COL17A1: variants seen among roughly 807,000 people sequenced by gnomAD.
The protein encoded by COL17A1 is collagen type XVII alpha 1 chain.
A neutral mutation model predicts 218.4 loss-of-function variants in COL17A1; 181 were observed. The observed-to-expected ratio is 0.83, with a 90% CI of 0.73 to 0.94. The LOEUF is 0.94. COL17A1 is among the 40% of genes least tolerant of loss of function. The pLI is 0.00. For synonymous variants in COL17A1, 721 were observed against 731.0 expected, an observed-to-expected ratio of 0.99 and a Z score of 0.22; for missense variants, 1,924 against 1,945.9, an observed-to-expected ratio of 0.99 and a Z score of 0.21.
At chr10:104,067,191 C>G (rs994084482) in intron 9 of COL17A1, among the ~76,000 whole-genome samples, 3 of 152,062 alleles carry the variant, frequency 2.0e-5, no homozygotes, top group African/African-American at 4.8e-5. Context: ...CCCCAAAGAT[C>G]GGGCCCAAAT....
At chr10:104,043,433 A>C in intron 35 of COL17A1, 68 bp downstream of exon 35, 1 of 1,410,168 alleles carries the variant, frequency 7.1e-7, no homozygotes, top group South Asian at 1.2e-5. Flanking sequence ...GATCTGAAGA[A>C]ATATGGCTAG....
At chr10:104,037,825 C>A (rs749274308) in intron 45 of COL17A1, 52 bp from the exon 46 acceptor site, 1 of 1,599,576 alleles carries the variant, frequency 6.3e-7, no homozygotes, top group South Asian at 1.1e-5. Context: ...AGGACATGTT[C>A]TCCCCACGGA....
Position 104,031,954 on chromosome 10 carries a change from A to G in COL17A1, c.*281T>C. On this transcript the variant is annotated 3_prime_UTR_variant, in exon 56 of 56. Transcript: ENST00000648076. ...GGCTGGGGCTTGAACTAAGTAAAGA[A>G]GCCAAGGAGTTCAGATCTAGATAGC... 2 of 519,026 alleles carry G rather than the reference A, an allele frequency of 3.9e-6. No homozygotes were observed. The highest frequency in any genetic ancestry group is 6.9e-6 in the Non-Finnish European group (2 of 288,768). The allele number at this position is 519,026 out of a possible 1,614,324, so 32.2% of individuals were successfully genotyped here.
intron 31 of COL17A1, 121 bp from the exon 32 acceptor site, chr10:104,046,894 C>A: frequency 1.1e-6 from 1 of 893,864 alleles, no homozygotes. Flanking sequence ...TACAGAAGGA[C>A]ACGTCTCATG....
At chr10:104,034,424 G>T in intron 51 of COL17A1, 90 bp from the exon 52 acceptor site, 1 of 1,476,176 alleles carries the variant, frequency 6.8e-7, no homozygotes, top group Non-Finnish European at 9.0e-7. Context: ...GGGTGTCAAT[G>T]CCCCTGAGAG....
rs965239418 is a variant in COL17A1 at position 104,058,207 on chromosome 10, A to G, written c.1223-17T>C. On this transcript the variant is annotated splice_polypyrimidine_tract_variant and intron_variant, in intron 15 of 55. Coordinates refer to ENST00000648076, the MANE Select transcript of COL17A1 (RefSeq NM_000494.4). ...TCAGGTCTCCTGAAAGGACAAACAG[A>G]TTGACCTGAGCTTTTAAACTGGAGG... 3.1e-6 allele frequency: 5 copies of G among 1,614,144 alleles called. No individual in the cohort carries two copies. The Admixed American group carries it at 5.0e-5, about 16-fold the overall frequency.
At chr10:104,044,006 A>C (rs2086386143) in intron 33 of COL17A1, 146 bp from the exon 34 acceptor site, 1 of 873,668 alleles carries the variant, frequency 1.1e-6, no homozygotes, top group South Asian at 1.4e-5. Flanking sequence ...GAACTGAAGG[A>C]AGGCAAGCAG....
chr10:104,040,082 G>A, intron 40 of COL17A1, 83 bp from the exon 41 acceptor site: 1 of 1,484,096 alleles, frequency 6.7e-7, no homozygotes, highest in Admixed American at 1.7e-5. Flanking sequence ...AGGGGATAGG[G>A]GCTCCAATGC....
At chr10:104,062,811 C>A (rs987217494) in intron 11 of COL17A1, among the ~76,000 whole-genome samples, 1 of 152,170 alleles carries the variant, frequency 6.6e-6, no homozygotes, top group African/African-American at 2.4e-5. Context: ...ACTCCCCCAC[C>A]TCCACTATGG....
Position 104,062,369 on chromosome 10 carries a change from G to A in COL17A1, c.839-40C>T, listed in dbSNP as rs559299960. 2.0e-5 allele frequency: 33 copies of A among 1,613,728 alleles called. No individual in the cohort carries two copies. The East Asian group carries it at 2.5e-4, about 12-fold the overall frequency. On this transcript the variant is annotated intron_variant, in intron 11 of 55. Transcript: ENST00000648076. ...AAGGTCAGGTGAGTACAGGGAGCAC[G>A]GGGGATGCCCCCTGGCTTAGGACGG...
rs139277728 is a variant in COL17A1 at position 104,057,086 on chromosome 10, C to T, written c.1354G>A (p.Ala452Thr). ...GAGCCGCAGGGGCACCAGGCTGGCG[C>T]TGGTCCCCAAGGGCCGCCGCCAGCG... The part of the protein sequence containing the change: ...GGAGGGPWGP[A>T]PAWCPCGSCC... Residue 452 changes from alanine to threonine, a missense_variant, in exon 17 of 56, where the codon GCG (alanine) becomes ACG (threonine). Coordinates refer to ENST00000648076, the MANE Select transcript of COL17A1 (RefSeq NM_000494.4). 289 of 1,612,308 alleles carry T rather than the reference C, an allele frequency of 1.8e-4. 1 individual carries two copies. In the African/African-American group the frequency reaches 3.4e-3, roughly 19 times the overall value.
chr10:104,073,578 G>T (rs889694711), intron 6 of COL17A1, among the ~76,000 whole-genome samples: 1 of 152,152 alleles, frequency 6.6e-6, no homozygotes, highest in Non-Finnish European at 1.5e-5. Flanking sequence ...GTATCAAAAA[G>T]CTCCCAAGTC....
At chr10:104,071,196 G>C (rs1292772324) in intron 8 of COL17A1, among the ~76,000 whole-genome samples, 2 of 152,164 alleles carry the variant, frequency 1.3e-5, no homozygotes, top group Non-Finnish European at 2.9e-5. Flanking sequence ...GGATGCATGG[G>C]GAGTGCATGA....
chr10:104,035,911 A>T lies in COL17A1; in HGVS notation c.3419-348T>A, dbSNP rs200636792. On this transcript the variant is annotated intron_variant, in intron 48 of 55. Coordinates refer to ENST00000648076, the MANE Select transcript of COL17A1 (RefSeq NM_000494.4). ...GAGTGTATGGGAGCGTGTGTATGGG[A>T]GTGTGTATGAGTGTGTGTGTATGGG... is the stretch of plus-strand genomic sequence containing the variant. Among the ~76,000 whole-genome samples, 10 of 135,190 alleles carry T rather than the reference A, an allele frequency of 7.4e-5. 1 individual carries two copies. The highest frequency in any genetic ancestry group is 1.6e-4 in the Non-Finnish European group (10 of 63,486). 88.7% of individuals were successfully genotyped at this position (135,190 alleles called of 152,430 possible). A position where few individuals can be genotyped will look rare whatever the true frequency, so the allele number is the denominator to read the frequency against.
rs139924779 is a variant in COL17A1 at position 104,064,508 on chromosome 10, C to T, written c.696G>A (p.Gly232=). Residue 232 remains glycine (G), a synonymous_variant, in exon 10 of 56, where the codon GGG becomes GGA. Coordinates refer to ENST00000648076, the MANE Select transcript of COL17A1 (RefSeq NM_000494.4). ...GGGTTGTCATGTTGTTGTGATAGGT[C>T]CCCATGGAGGACCCCGCGGGCAGGG... ...SSTLPAGSSM[G]TYHNNMTTQS... 6.8e-6 allele frequency: 11 copies of T among 1,614,088 alleles called. No homozygotes were observed. Among genetic ancestry groups the T allele is most frequent in the Non-Finnish European group, 9.3e-6 (11 of 1,180,024 alleles).
At chr10:104,048,655 C>G (rs1340791094) in intron 29 of COL17A1, among the ~76,000 whole-genome samples, 1 of 152,210 alleles carries the variant, frequency 6.6e-6, no homozygotes, top group Non-Finnish European at 1.5e-5. Flanking sequence ...CACTCTGTAC[C>G]TTGCGTGACA....
chr10:104,065,749 C>T (rs1049565709), intron 9 of COL17A1, among the ~76,000 whole-genome samples: 1 of 152,158 alleles, frequency 6.6e-6, no homozygotes, highest in Non-Finnish European at 1.5e-5. Flanking sequence ...ATAGGTACAG[C>T]CCACTTTTTT....
chr10:104,044,192 G>A (rs1044287149), intron 33 of COL17A1, among the ~76,000 whole-genome samples: 6 of 152,150 alleles, frequency 3.9e-5, no homozygotes, highest in East Asian at 1.9e-4. Context: ...CCTGGGAATC[G>A]CCTTAGGTGG....
intron 1 of COL17A1, among the ~76,000 whole-genome samples, chr10:104,084,333 G>A (rs1180467365): frequency 6.8e-6 from 1 of 147,880 alleles, no homozygotes; most frequent in African/African-American, 2.5e-5. Context: ...TTTTTGAGAC[G>A]GAGTCTTGCT....
Sources: allele counts gnomAD v4.1 joint callset (sites outside exome capture counted in the v4.1 genomes callset), GRCh38; gene constraint gnomAD v4.1.1; transcripts MANE v1.5; gene names NCBI Gene and HGNC (gene_info 2026-07-23, HGNC 2026-07-21).